Variants in NBPF14 observed in about 807,000 individuals in gnomAD.
The protein encoded by NBPF14 is NBPF family member NBPF14.
A neutral mutation model predicts 91.2 loss-of-function variants in NBPF14; 104 were observed. The observed-to-expected ratio is 1.14, with a 90% confidence interval of 0.97 to 1.34. The LOEUF (loss-of-function observed/expected upper bound fraction) is 1.34, where lower values mean the gene tolerates loss of function less well. Among genes scored for constraint, NBPF14 ranks in the 40% most tolerant of loss-of-function variants. NBPF14 has a pLI of 0.00. For synonymous variants in NBPF14, 294 were observed against 303.8 expected, an observed-to-expected ratio of 0.97 and a Z score of 0.34; for missense variants, 908 against 783.0, an observed-to-expected ratio of 1.16 and a Z score of -1.91.
intron 69 of NBPF14, among the ~76,000 whole-genome samples, 177 bp downstream of exon 69, chr1:148,534,507 C>G (rs1654609777): frequency 6.6e-6 from 1 of 151,800 alleles, no homozygotes; most frequent in Admixed American, 6.6e-5. Flanking sequence ...CTCACTGACC[C>G]ATTTCATGTC....
At position 148,557,796 on chromosome 1, in the gene NBPF14, T is replaced by G. The variant is rs1656946359; in HGVS notation, c.4955-254A>C. On this transcript the variant is annotated intron_variant, in intron 39 of 70. Transcript: ENST00000619423. Reference sequence around the variant, plus strand: ...TTTATCCCAAGTTTGTGCAAACAGTTATGCTTTATTGTTCCCATCAGTTCA... The same window carrying G: ...TTTATCCCAAGTTTGTGCAAACAGTGATGCTTTATTGTTCCCATCAGTTCA... Among the ~76,000 whole-genome samples, 2 of 112,804 alleles carry G rather than the reference T, an allele frequency of 1.8e-5. 1 individual carries two copies. Among genetic ancestry groups the G allele is most frequent in the South Asian group, 6.5e-4 (2 of 3,074 alleles). The allele number at this position is 112,804 out of a possible 152,430, so 74.0% of individuals were successfully genotyped here.
chr1:148,534,826 AT>A lies in NBPF14; in HGVS notation c.8471del (p.Asp2824ValfsTer25). ...CCAGTGAGTCCTGCAAGACTTCAGG[AT>A]CTTTCTCATCCAGCAGCTCCCTGCT... On this transcript the variant is annotated frameshift_variant, in exon 69 of 71. Coordinates refer to ENST00000619423, the Ensembl canonical transcript of NBPF14. LOFTEE classifies it high-confidence loss of function. 5 of 1,120,568 alleles carry A rather than the reference AT, an allele frequency of 4.5e-6. No individual in the cohort carries two copies. Among genetic ancestry groups the A allele is most frequent in the Non-Finnish European group, 6.6e-6 (5 of 752,172 alleles). 69.4% of individuals were successfully genotyped at this position (1,120,568 alleles called of 1,614,324 possible).
intron 22 of NBPF14, among the ~76,000 whole-genome samples, chr1:148,571,265 AC>A (rs1659114671): frequency 3.1e-4 from 28 of 89,968 alleles, no homozygotes; most frequent in African/African-American, 7.2e-5. Context: ...ACACACACAC[AC>A]ACACACACAG....
intron 36 of NBPF14, among the ~76,000 whole-genome samples, chr1:148,560,319 T>C (rs1657604718): frequency 7.5e-6 from 1 of 133,148 alleles, no homozygotes; most frequent in Non-Finnish European, 1.5e-5. Flanking sequence ...CTCAATAGTT[T>C]TCCATAAAAT....
At chr1:148,536,045 G>GACCC (rs1655147760) in intron 67 of NBPF14, among the ~76,000 whole-genome samples, 179 bp downstream of exon 67, 1 of 149,966 alleles carries the variant, frequency 6.7e-6, no homozygotes, top group South Asian at 2.1e-4. Flanking sequence ...CTTGCTCACT[G>GACCC]ACCCATCCCT....
At chr1:148,577,118 G>C in intron 15 of NBPF14, 65 bp downstream of exon 15, 6 of 613,044 alleles carry the variant, frequency 9.8e-6, no homozygotes, top group Non-Finnish European at 1.7e-5. Flanking sequence ...GCCACTTGCA[G>C]TAGGAATATG....
exon 69 of NBPF14, chr1:148,534,710 T>A: frequency 7.1e-6 from 6 of 840,008 alleles, no homozygotes; most frequent in Non-Finnish European, 1.0e-5. Context: ...CAAGCCAAGG[T>A]ACTGTTCCTC....
At chr1:148,557,804 A>G (rs1188370962) in intron 39 of NBPF14, among the ~76,000 whole-genome samples, 1 of 109,204 alleles carries the variant, frequency 9.2e-6, no homozygotes, top group African/African-American at 4.9e-5. Context: ...GTTATGCTTT[A>G]TTGTTCCCAT....
At chr1:148,533,937 T>A (rs1427395358) in exon 70 of NBPF14, 3 of 738,672 alleles carry the variant, frequency 4.1e-6, no homozygotes, top group Admixed American at 1.9e-5. Context: ...CTTCTTCCCC[T>A]TCTTTTTTTC....
At chr1:148,534,991 T>C (rs1553332698) in intron 68 of NBPF14, 135 bp from the exon 69 acceptor site, 8 of 718,738 alleles carry the variant, frequency 1.1e-5, no homozygotes, top group South Asian at 2.9e-5. Flanking sequence ...TAACGAATTA[T>C]TGCCTTTATG....
At chr1:148,559,456 C>G (rs1657234144) in intron 37 of NBPF14, among the ~76,000 whole-genome samples, 1 of 132,090 alleles carries the variant, frequency 7.6e-6, no homozygotes, top group Non-Finnish European at 1.5e-5. Flanking sequence ...ATTTCAGACG[C>G]TGAAATTAGA....
chr1:148,587,168 GT>G (rs1426087105), intron 8 of NBPF14, 132 bp downstream of exon 8: 1 of 724,858 alleles, frequency 1.4e-6, no homozygotes, highest in African/African-American at 1.8e-5. Flanking sequence ...AAATATTTGT[GT>G]GTAGCGAGCC....
rs1201612247 is a variant in NBPF14 at position 148,566,453 on chromosome 1, G to C, written c.3543-138C>G. ...TCCATTAATGAGGTAACAAATTGTT[G>C]CCTTCATGTTGGGACAGAACAGGGC... On this transcript the variant is annotated intron_variant, in intron 28 of 70. Coordinates refer to ENST00000619423, the Ensembl canonical transcript of NBPF14. 95 of 598,840 alleles carry C rather than the reference G, an allele frequency of 1.6e-4. 2 individuals carry two copies. The highest frequency in any genetic ancestry group is 2.4e-4 in the Non-Finnish European group (83 of 340,022). 37.1% of individuals were successfully genotyped at this position (598,840 alleles called of 1,614,324 possible). A position where few individuals can be genotyped will look rare whatever the true frequency, so the allele number is the denominator to read the frequency against.
intron 40 of NBPF14, among the ~76,000 whole-genome samples, chr1:148,557,078 A>C (rs1488970314): frequency 6.4e-5 from 8 of 125,430 alleles, no homozygotes; most frequent in East Asian, 2.6e-4. Context: ...ACACACACAC[A>C]CACACACACA....
chr1:148,535,860 T>A (rs1655064427), intron 67 of NBPF14, among the ~76,000 whole-genome samples: 1 of 149,532 alleles, frequency 6.7e-6, no homozygotes, highest in South Asian at 2.1e-4. Context: ...ATACTCAGAT[T>A]GTTCATGGTA....
chr1:148,577,797 A>G (rs1484559016), intron 14 of NBPF14, among the ~76,000 whole-genome samples, 186 bp downstream of exon 14: 6 of 139,626 alleles, frequency 4.3e-5, no homozygotes, highest in African/African-American at 1.7e-4. Context: ...TTAGTAAATG[A>G]TAAGGGTAGG....
intron 37 of NBPF14, 23 bp downstream of exon 37, chr1:148,559,770 C>G (rs1222339605): frequency 1.5e-6 from 2 of 1,371,712 alleles, no homozygotes; most frequent in African/African-American, 2.1e-5. Context: ...GGATCCTTAT[C>G]ACCTTCATAG....
At chr1:148,585,465 A>G (rs1661359492) in intron 9 of NBPF14, among the ~76,000 whole-genome samples, 1 of 151,460 alleles carries the variant, frequency 6.6e-6, no homozygotes, top group Non-Finnish European at 1.5e-5. Context: ...ATATCACTGG[A>G]GGCTTGTGCA....
chr1:148,587,452 C>G, intron 7 of NBPF14, 49 bp from the exon 8 acceptor site: 1 of 1,528,728 alleles, frequency 6.5e-7, no homozygotes, highest in Non-Finnish European at 9.0e-7. Flanking sequence ...GGACATGCTG[C>G]TGTGGTCATT....
Sources: gnomAD v4.1 joint callset for allele counts (sites outside exome capture counted in the v4.1 genomes callset) on GRCh38, gnomAD v4.1.1 for gene constraint, MANE v1.5 for transcripts, NCBI Gene and HGNC (gene_info 2026-07-23, HGNC 2026-07-21) for gene names.